MBD6: variants seen among roughly 807,000 people sequenced by gnomAD.
The protein encoded by MBD6 is methyl-CpG-binding domain protein 6.
Under a neutral mutation model 66.8 loss-of-function variants are expected in MBD6, and 22 were observed. That is an observed-to-expected ratio of 0.33 (90% confidence interval 0.24 to 0.47). The LOEUF (loss-of-function observed/expected upper bound fraction) is 0.47. Ranked by LOEUF, MBD6 falls within the 20% of genes least tolerant of loss-of-function variation. MBD6 has a pLI of 1.00. For synonymous variants in MBD6, 540 were observed against 534.6 expected (o/e 1.01, Z -0.14); for missense variants, 1,322 against 1,286.9 (o/e 1.03, Z -0.42).
chr12:57,524,145 GTTC>G (rs1488346766), intron 2 of MBD6, 53 bp downstream of exon 2: 2 of 478,640 alleles, frequency 4.2e-6, no homozygotes, highest in Non-Finnish European at 7.3e-6. Flanking sequence ...CAGCTGAGGG[GTTC>G]CCCTTGCTCC....
rs773976149 is a variant in MBD6, at chr12:57,525,405, G to A, written c.437G>A (p.Arg146His). Reference sequence around the variant, plus strand: ...GTGTCCCCAGGGCCCCCCTCTGCCCGCCCTCCCTGTCGAGTTCCTCCTACA... The same window carrying A: ...GTGTCCCCAGGGCCCCCCTCTGCCCACCCTCCCTGTCGAGTTCCTCCTACA... ...HTVSPGPPSA[R>H]PPCRVPPTTP... Residue 146 changes from arginine to histidine, a missense_variant, in exon 6 of 13, where the codon CGC (arginine) becomes CAC (histidine). Coordinates refer to ENST00000355673, the MANE Select transcript of MBD6 (RefSeq NM_052897.4). The A allele has an allele frequency of 9.8e-6, 15 of 1,528,780 alleles. No homozygotes were observed. Among genetic ancestry groups the A allele is most frequent in the South Asian group, 3.9e-5 (3 of 76,888 alleles). 94.7% of individuals were successfully genotyped at this position (1,528,780 alleles called of 1,614,324 possible).
In MBD6 at chr12:57,525,045, C is replaced by T; in HGVS notation, c.309C>T (p.His103=). 6.2e-7 allele frequency: 1 copy of T among 1,613,464 alleles called. No homozygotes were observed. The highest frequency in any genetic ancestry group is 1.3e-5 in the African/African-American group (1 of 75,006). The change falls in exon 5 of 13, where the codon CAC becomes CAT. Residue 103 remains histidine, a synonymous_variant. Coordinates refer to ENST00000355673, the MANE Select transcript of MBD6 (RefSeq NM_052897.4). Reference sequence around the variant, plus strand: ...AGGACATGACCAAGCTGTGCAACCACCGGCGGAAAGCTGTTGCTATGGCAA... The same window carrying T: ...AGGACATGACCAAGCTGTGCAACCATCGGCGGAAAGCTGTTGCTATGGCAA... ...SEEDMTKLCN[H]RRKAVAMATL... is the part of the protein sequence containing the mutation.
In MBD6 at chr12:57,527,582, T is replaced by A. The variant is rs201622745; in HGVS notation, c.2158T>A (p.Ser720Thr). 1 of 1,613,906 alleles carries A rather than the reference T, an allele frequency of 6.2e-7. No individual in the cohort carries two copies. Among genetic ancestry groups the A allele is most frequent in the South Asian group, 1.1e-5 (1 of 91,078 alleles). The change falls in exon 8 of 13, where the codon TCC becomes ACC. Residue 720 changes from serine (S) to threonine (T), a missense_variant. Coordinates refer to ENST00000355673, the MANE Select transcript of MBD6 (RefSeq NM_052897.4). ...VTTATTDPGASSLGKAPSNSG... is the reference protein window; with the variant it reads ...VTTATTDPGATSLGKAPSNSG... ...CACGGCAACTACTGACCCGGGGGCC[T>A]CCTCTCTGGGCAAGGCCCCCTCCAA...
At chr12:57,525,243 A>C in intron 5 of MBD6, 105 bp from the exon 6 acceptor site, 1 of 1,480,676 alleles carries the variant, frequency 6.8e-7, no homozygotes, top group East Asian at 2.3e-5. Context: ...TGTTGAAAGG[A>C]GGGCACAGGG....
At position 57,524,938 on chromosome 12, in the gene MBD6, C is replaced by T. The variant is rs1210163580; in HGVS notation, c.217-15C>T. The T allele has an allele frequency of 6.3e-7, 1 of 1,599,968 alleles. No homozygotes were observed. Among genetic ancestry groups the T allele is most frequent in the Admixed American group, 1.7e-5 (1 of 58,908 alleles). ...CAGCCCCTCAGGGTCCCTGTCCTTG[C>T]TTTCCACCTTACAGGTTTTCAACTT... On this transcript the variant is annotated splice_polypyrimidine_tract_variant and intron_variant, in intron 4 of 12. Coordinates refer to ENST00000355673, the MANE Select transcript of MBD6 (RefSeq NM_052897.4).
In MBD6 at chr12:57,525,516, G is replaced by A. The variant is rs775314817; in HGVS notation, c.548G>A (p.Gly183Glu). Residue 183 changes from glycine (G) to glutamate (E), a missense_variant, in exon 6 of 13, where the codon GGG becomes GAG. Gly to Glu is a moderately conservative substitution (Grantham distance 98, BLOSUM62 -2). Coordinates refer to ENST00000355673, the MANE Select transcript of MBD6 (RefSeq NM_052897.4). ...QAFPTLAGPG[G>E]LFPPRLADPV... The stretch of plus-strand genomic sequence containing the variant: ...TTTCCCACTCTAGCAGGCCCTGGGG[G>A]GCTTTTCCCCCCAAGGCTTGCTGAC... 1.9e-6 allele frequency: 3 copies of A among 1,570,890 alleles called. No homozygotes were observed. Among genetic ancestry groups the A allele is most frequent in the South Asian group, 2.4e-5 (2 of 83,692 alleles).
rs1276506319 is a variant in MBD6, at chr12:57,522,957, C to G, written c.-143C>G. 6.9e-6 allele frequency: 1 copy of G among 144,552 alleles called. No homozygotes were observed. Among genetic ancestry groups the G allele is most frequent in the African/African-American group, 2.5e-5 (1 of 39,582 alleles). 9.0% of individuals were successfully genotyped at this position (144,552 alleles called of 1,614,324 possible). A position where few individuals can be genotyped will look rare whatever the true frequency, so the allele number is the denominator to read the frequency against. On this transcript the variant is annotated 5_prime_UTR_variant, in exon 1 of 13. Coordinates refer to ENST00000355673, the MANE Select transcript of MBD6 (RefSeq NM_052897.4). ...CCGACCCTCCTCCCACCCCCTCCCA[C>G]TCACCCTCTGGGCCGCGACTGCGCA...
At chr12:57,528,063 A>G (rs765493917) in intron 9 of MBD6, 46 bp downstream of exon 9, 1 of 1,528,890 alleles carries the variant, frequency 6.5e-7, no homozygotes, top group Non-Finnish European at 8.8e-7. Flanking sequence ...TTTTTTCTCA[A>G]ACTGGAAATT....
downstream of MBD6, chr12:57,530,910 A>G (rs1879633405): frequency 5.2e-6 from 4 of 765,044 alleles, no homozygotes; most frequent in Admixed American, 9.1e-5. Context: ...GGATGTTTAT[A>G]GCACCAATTT....
intron 3 of MBD6, 76 bp from the exon 4 acceptor site, chr12:57,524,644 T>G: frequency 7.4e-7 from 1 of 1,351,974 alleles, no homozygotes; most frequent in Non-Finnish European, 1.1e-6. Context: ...ATCTGTAACT[T>G]AAGCACTGTG....
chr12:57,521,707 G>A (rs895377053), upstream of MBD6: 6 of 152,198 alleles, frequency 3.9e-5, no homozygotes, highest in Non-Finnish European at 8.8e-5. Context: ...GTACTCCTAT[G>A]GCTTTCTCCA....
At chr12:57,522,439 TC>T (rs1252509042), upstream of MBD6, among the ~76,000 whole-genome samples, 3 of 152,052 alleles carry the variant, frequency 2.0e-5, no homozygotes, top group Admixed American at 2.0e-4. Context: ...GCCTGGCCCC[TC>T]CCGGACCTGG....
rs1878940734 is a variant in MBD6, at chr12:57,526,236, C to T, written c.1268C>T (p.Pro423Leu). 6.2e-7 allele frequency: 1 copy of T among 1,613,992 alleles called. No homozygotes were observed. The highest frequency in any genetic ancestry group is 8.5e-7 in the Non-Finnish European group (1 of 1,180,028). Residue 423 changes from proline (P) to leucine (L), a missense_variant, in exon 6 of 13, where the codon CCT (proline) becomes CTT (leucine). Coordinates refer to ENST00000355673, the MANE Select transcript of MBD6 (RefSeq NM_052897.4). ...CTGCTGGGACTCCCCACCCCTGGCC[C>T]TTCCCACTCTGATGGAAGCTTTAAC... is the stretch of plus-strand genomic sequence containing the variant. ...LSLLGLPTPG[P>L]SHSDGSFNLL...
Position 57,524,107 on chromosome 12 carries a change from AC to A in MBD6, c.-25+16del. On this transcript the variant is annotated intron_variant, in intron 2 of 12. Coordinates refer to ENST00000355673, the MANE Select transcript of MBD6 (RefSeq NM_052897.4). ...GAGATGTTCAGGTAGCTGTGGTGATACGGCAGAGGACTCCTCAGTCTCCCTC... is the reference window on the plus strand; with the variant it reads ...GAGATGTTCAGGTAGCTGTGGTGATAGGCAGAGGACTCCTCAGTCTCCCTC... The A allele has an allele frequency of 2.3e-6, 1 of 426,462 alleles. No individual in the cohort carries two copies. Among genetic ancestry groups the A allele is most frequent in the Non-Finnish European group, 4.2e-6 (1 of 239,940 alleles). 26.4% of individuals were successfully genotyped at this position (426,462 alleles called of 1,614,324 possible). A position where few individuals can be genotyped will look rare whatever the true frequency, so the allele number is the denominator to read the frequency against.
In MBD6 at chr12:57,529,312, T is replaced by G. The variant is rs564601061; in HGVS notation, c.*78T>G. ...GCCTTGGGAGCCCCTGCCAGCCACC[T>G]GCACCTGTGGACAGTGGGTGGGGGC... On this transcript the variant is annotated 3_prime_UTR_variant, in exon 13 of 13. Transcript: ENST00000355673. The G allele has an allele frequency of 1.4e-6, 2 of 1,466,944 alleles. No individual in the cohort carries two copies. The highest frequency in any genetic ancestry group is 2.3e-5 in the South Asian group (2 of 86,928). The allele number at this position is 1,466,944 out of a possible 1,614,324, so 90.9% of individuals were successfully genotyped here.
At chr12:57,522,759 A>ACGGCGGCAGCGACGGCGGCGGCGG, upstream of MBD6, 1 of 153,714 alleles carries the variant, frequency 6.5e-6, no homozygotes, top group East Asian at 1.9e-4. Context: ...TGCGGCAGCG[A>ACGGCGGCAGCGACGGCGGCGGCGG]CGGCGGCGGC....
In MBD6 at chr12:57,528,954, G is replaced by T; in HGVS notation, c.2882G>T (p.Arg961Leu). 1 of 1,614,144 alleles carries T rather than the reference G, an allele frequency of 6.2e-7. No individual in the cohort carries two copies. Among genetic ancestry groups the T allele is most frequent in the Non-Finnish European group, 8.5e-7 (1 of 1,180,026 alleles). ...RGRRRKYNPT[R>L]NSNSSRQDIT... ...TGTGCCCCTTATTGCAGCCCTACCC[G>T]GAACAGCAATAGCTCCCGCCAGGAC... The change falls in exon 12 of 13, where the codon CGG becomes CTG. Residue 961 changes from arginine to leucine, a missense_variant. Arg to Leu is a moderately radical substitution (Grantham distance 102). Coordinates refer to ENST00000355673, the MANE Select transcript of MBD6 (RefSeq NM_052897.4).
chr12:57,522,590 T>C (rs1432969602), upstream of MBD6, among the ~76,000 whole-genome samples: 1 of 146,428 alleles, frequency 6.8e-6, no homozygotes, highest in African/African-American at 2.5e-5. Flanking sequence ...GTTTGTTCTC[T>C]TGGGGATTAA....
At chr12:57,527,402 T>C in intron 7 of MBD6, 105 bp from the exon 8 acceptor site, 2 of 1,406,244 alleles carry the variant, frequency 1.4e-6, no homozygotes. Flanking sequence ...TTAATAAGCA[T>C]GGCCTATCTC....
Sources: allele counts gnomAD v4.1 joint callset (sites outside exome capture counted in the v4.1 genomes callset), GRCh38; gene constraint gnomAD v4.1.1; transcripts MANE v1.5; gene names NCBI Gene and HGNC (gene_info 2026-07-23, HGNC 2026-07-21).